The following LRRC28 variants were observed in gnomAD, a reference collection of about 807,000 sequenced individuals.
LRRC28 encodes the protein leucine-rich repeat-containing protein 28.
A neutral mutation model predicts 45.7 loss-of-function variants in LRRC28; 39 were observed. The ratio of observed to expected loss-of-function variants is 0.85; its 90% CI spans 0.66 to 1.12. The LOEUF (loss-of-function observed/expected upper bound fraction) is 1.12. LRRC28 is among the 50% of genes most tolerant of loss of function. The pLI, the probability that LRRC28 is intolerant of heterozygous loss-of-function variation, is 0.00. For synonymous variants in LRRC28, 206 were observed against 178.8 expected (o/e 1.15, Z -1.22); for missense variants, 435 against 438.5 (o/e 0.99, Z 0.07).
intron 2 of LRRC28, among the ~76,000 whole-genome samples, chr15:99,265,768 T>A (rs1037246628): frequency 2.0e-5 from 3 of 152,204 alleles, no homozygotes; most frequent in Admixed American, 2.0e-4. Context: ...ATCAAAGTCC[T>A]ATGGCTTAAC....
chr15:99,295,266 A>G (rs1465846020), intron 5 of LRRC28, among the ~76,000 whole-genome samples: 2 of 152,144 alleles, frequency 1.3e-5, no homozygotes, highest in Non-Finnish European at 2.9e-5. Context: ...CCACTTAAAC[A>G]TTTACGTATT....
intron 5 of LRRC28, among the ~76,000 whole-genome samples, chr15:99,314,728 GGTTTTAAGTTCCTCTATAAGAT>G (rs541087025): frequency 5.3e-4 from 81 of 152,228 alleles, no homozygotes; most frequent in Middle Eastern, 3.4e-3. Flanking sequence ...ACCTAACCTG[GGTTTTAAGTTCCTCTATAAGAT>G]GTTTGAACAT....
chr15:99,328,319 A>G (rs982810524), intron 5 of LRRC28, among the ~76,000 whole-genome samples: 3 of 152,210 alleles, frequency 2.0e-5, no homozygotes, highest in Non-Finnish European at 2.9e-5. Flanking sequence ...CTAACATATA[A>G]AATTCTAAAA....
intron 9 of LRRC28, among the ~76,000 whole-genome samples, chr15:99,367,272 T>C (rs1957365127): frequency 6.6e-6 from 1 of 152,234 alleles, no homozygotes; most frequent in Non-Finnish European, 1.5e-5. Flanking sequence ...GTTTTATCTG[T>C]TTTATTCTGC....
At chr15:99,259,114 C>T in intron 2 of LRRC28, 3 of 1,323,888 alleles carry the variant, frequency 2.3e-6, no homozygotes, top group Non-Finnish European at 3.3e-6. Context: ...TTGAAGACCA[C>T]TCGAATCGAA....
intron 6 of LRRC28, among the ~76,000 whole-genome samples, chr15:99,341,244 C>T (rs1441727520): frequency 6.6e-6 from 1 of 151,940 alleles, no homozygotes; most frequent in African/African-American, 2.4e-5. Flanking sequence ...GCGCACACTG[C>T]CATGGATGGC....
chr15:99,255,467 G>A (rs2080989593), intron 1 of LRRC28, among the ~76,000 whole-genome samples: 1 of 152,006 alleles, frequency 6.6e-6, no homozygotes, highest in Non-Finnish European at 1.5e-5. Context: ...TAGTGCTCTA[G>A]ATATAAATAA....
At chr15:99,360,311 T>C (rs930762480) in intron 7 of LRRC28, among the ~76,000 whole-genome samples, 3 of 152,146 alleles carry the variant, frequency 2.0e-5, no homozygotes, top group Non-Finnish European at 4.4e-5. Flanking sequence ...AAGTCAGATA[T>C]TGTCTTATCT....
At chr15:99,376,291 T>C (rs1313848897) in intron 9 of LRRC28, among the ~76,000 whole-genome samples, 2 of 152,180 alleles carry the variant, frequency 1.3e-5, no homozygotes, top group Admixed American at 6.5e-5. Flanking sequence ...AAGATTTTCC[T>C]CTTGTCTTTT....
intron 3 of LRRC28, among the ~76,000 whole-genome samples, chr15:99,284,425 TAC>T (rs2081900313): frequency 6.6e-6 from 1 of 152,222 alleles, no homozygotes; most frequent in Non-Finnish European, 1.5e-5. Flanking sequence ...ACTAAAATAA[TAC>T]AGTTATTCAC....
At chr15:99,296,002 C>T (rs1208455970) in intron 5 of LRRC28, among the ~76,000 whole-genome samples, 2 of 152,162 alleles carry the variant, frequency 1.3e-5, no homozygotes, top group African/African-American at 2.4e-5. Flanking sequence ...GTTTATTGAT[C>T]TCATGTGGAG....
intron 2 of LRRC28, among the ~76,000 whole-genome samples, chr15:99,274,313 TTAA>T (rs2081561034): frequency 6.6e-6 from 1 of 152,204 alleles, no homozygotes; most frequent in African/African-American, 2.4e-5. Context: ...CAGTATGACA[TTAA>T]TAATGACATT....
rs751161784 is a variant in LRRC28, at chr15:99,287,257, A to G, written c.210A>G (p.Leu70=). 1 of 1,573,686 alleles carries G rather than the reference A, an allele frequency of 6.4e-7. No individual in the cohort carries two copies. The highest frequency in any genetic ancestry group is 1.9e-5 in the Admixed American group (1 of 53,488). Residue 70 remains leucine, a splice_region_variant and synonymous_variant, in exon 4 of 10, where the codon CTA becomes CTG. Coordinates refer to ENST00000301981, the MANE Select transcript of LRRC28 (RefSeq NM_144598.5). ...TGTTTTTTTTCTTTTTCCTTCCTAGATACCTGCACTCAAATAACATAGTTG... is the reference window on the plus strand; with the variant it reads ...TGTTTTTTTTCTTTTTCCTTCCTAGGTACCTGCACTCAAATAACATAGTTG... ...LAQKLPNLVE[L]YLHSNNIVVV... is the part of the protein sequence containing the mutation.
chr15:99,382,188 G>A (rs1957849490), intron 9 of LRRC28, among the ~76,000 whole-genome samples: 2 of 152,226 alleles, frequency 1.3e-5, no homozygotes, highest in Non-Finnish European at 2.9e-5. Context: ...CCCAGTTCGA[G>A]CTTCCTGGCT....
intron 2 of LRRC28, chr15:99,259,915 A>G: frequency 2.8e-6 from 2 of 705,886 alleles, no homozygotes; most frequent in South Asian, 3.1e-5. Flanking sequence ...CTGAGGAGAC[A>G]GCAGAAGACA....
At chr15:99,350,170 A>G (rs1448760833) in intron 6 of LRRC28, among the ~76,000 whole-genome samples, 1 of 152,020 alleles carries the variant, frequency 6.6e-6, no homozygotes, top group Non-Finnish European at 1.5e-5. Context: ...GAAAAATGCA[A>G]GTTAAAACAA....
chr15:99,360,513 A>T (rs1394470041), intron 7 of LRRC28, among the ~76,000 whole-genome samples: 1 of 152,104 alleles, frequency 6.6e-6, no homozygotes, highest in African/African-American at 2.4e-5. Flanking sequence ...AAATGAAGAA[A>T]CTTTTAAAAA....
chr15:99,353,966 A>G (rs1040440313), intron 7 of LRRC28: 7 of 152,358 alleles, frequency 4.6e-5, no homozygotes, highest in Middle Eastern at 3.4e-3. Context: ...TTTTTAAAAA[A>G]ACAAAACACT....
At chr15:99,255,647 A>AT (rs1283342843) in intron 1 of LRRC28, among the ~76,000 whole-genome samples, 3 of 152,024 alleles carry the variant, frequency 2.0e-5, no homozygotes, top group South Asian at 2.1e-4. Context: ...TGCAAAAACT[A>AT]TTTTTTTCCA....
Sources: allele counts gnomAD v4.1 joint callset (sites outside exome capture counted in the v4.1 genomes callset), GRCh38; gene constraint gnomAD v4.1.1; transcripts MANE v1.5; gene names NCBI Gene and HGNC (gene_info 2026-07-23, HGNC 2026-07-21).